Variants in NINL observed in about 807,000 individuals in gnomAD.
The protein encoded by NINL is ninein like.
NINL carries 153 observed loss-of-function variants against 160.3 expected under a neutral mutation model. The observed-to-expected ratio is 0.95, with a 90% CI of 0.84 to 1.09. The LOEUF (loss-of-function observed/expected upper bound fraction) is 1.09, where lower values mean the gene tolerates loss of function less well. Ranked by LOEUF, NINL falls within the 50% of genes least tolerant of loss-of-function variation. NINL has a pLI of 0.00. For synonymous variants in NINL, 800 were observed against 734.8 expected (o/e 1.09, Z -1.43); for missense variants, 1,829 against 1,764.0 (o/e 1.04, Z -0.66).
At chr20:25,501,468 C>T (rs745803315) in intron 7 of NINL, among the ~76,000 whole-genome samples, 2 of 152,298 alleles carry the variant, frequency 1.3e-5, no homozygotes, top group African/African-American at 4.8e-5. Flanking sequence ...GGCAGAAGTG[C>T]GCTGGCCCAG....
intron 1 of NINL, among the ~76,000 whole-genome samples, chr20:25,577,839 T>TC (rs1234084322): frequency 6.6e-6 from 1 of 151,234 alleles, no homozygotes; most frequent in Non-Finnish European, 1.5e-5. Context: ...TCTTTTCTTT[T>TC]TTTTTTTTTT....
chr20:25,476,061 TC>T lies in NINL; in HGVS notation c.3229del (p.Asp1077IlefsTer2). The T allele has an allele frequency of 6.2e-7, 1 of 1,613,256 alleles. No homozygotes were observed. Among genetic ancestry groups the T allele is most frequent in the Non-Finnish European group, 8.5e-7 (1 of 1,179,428 alleles). ...DVVRALEKHV[D>X]LRENDRLEFH... ...GGCAAACCTGTCGTTCTCTCTCAAA[TC>T]TACATGTTTCTCCAGAGCCCGGACG... On this transcript the variant is annotated frameshift_variant, in exon 17 of 24. Transcript: ENST00000278886. LOFTEE classifies it high-confidence loss of function.
chr20:25,548,681 C>T (rs1299065303), intron 1 of NINL, among the ~76,000 whole-genome samples: 1 of 150,516 alleles, frequency 6.6e-6, no homozygotes, highest in Non-Finnish European at 1.5e-5. Context: ...ACGACCACAC[C>T]TCCCACACCC....
At chr20:25,562,560 G>A (rs1308795039) in intron 1 of NINL, among the ~76,000 whole-genome samples, 7 of 124,746 alleles carry the variant, frequency 5.6e-5, no homozygotes, top group Admixed American at 5.2e-4. Flanking sequence ...TAAGGGCGGT[G>A]CTAGATGTGC....
At chr20:25,488,320 G>A (rs2063547121) in intron 13 of NINL, among the ~76,000 whole-genome samples, 1 of 152,174 alleles carries the variant, frequency 6.6e-6, no homozygotes, top group African/African-American at 2.4e-5. Context: ...CCGCCGCTTG[G>A]GTTCAAGTGA....
chr20:25,521,860 A>C (rs2064269322), intron 2 of NINL, among the ~76,000 whole-genome samples: 1 of 152,192 alleles, frequency 6.6e-6, no homozygotes, highest in Non-Finnish European at 1.5e-5. Context: ...TAAAATCACA[A>C]AATATTCTCA....
intron 1 of NINL, among the ~76,000 whole-genome samples, chr20:25,576,667 G>A (rs1466654033): frequency 6.6e-6 from 1 of 151,770 alleles, no homozygotes; most frequent in Non-Finnish European, 1.5e-5. Context: ...TCAGTACATT[G>A]CCCAGGTTGG....
At chr20:25,527,369 G>A (rs6115204) in intron 1 of NINL, among the ~76,000 whole-genome samples, 60,548 of 151,918 alleles carry the variant, frequency 0.4, 13,235 homozygotes, top group East Asian at 0.91. Flanking sequence ...GGACAGGCTG[G>A]TCTTGAACTC....
chr20:25,455,313 A>G (rs188909716), intron 23 of NINL, among the ~76,000 whole-genome samples: 2 of 152,276 alleles, frequency 1.3e-5, no homozygotes, highest in African/African-American at 2.4e-5. Context: ...TGTATGCTCT[A>G]TGGAAGCATC....
chr20:25,523,653 G>GT (rs1255909522), intron 2 of NINL, among the ~76,000 whole-genome samples: 2 of 151,744 alleles, frequency 1.3e-5, no homozygotes, highest in Non-Finnish European at 2.9e-5. Flanking sequence ...TTGTTTGCTT[G>GT]TTTTTTTGAG....
At chr20:25,491,933 G>C (rs763741695) in intron 10 of NINL, among the ~76,000 whole-genome samples, 2 of 152,210 alleles carry the variant, frequency 1.3e-5, no homozygotes, top group Non-Finnish European at 2.9e-5. Context: ...TGAAACCCAT[G>C]GACAGTGAAT....
intron 1 of NINL, among the ~76,000 whole-genome samples, chr20:25,556,393 G>A (rs1019098250): frequency 1.3e-5 from 2 of 152,200 alleles, no homozygotes; most frequent in Admixed American, 1.3e-4. Context: ...TGAAGTCAAA[G>A]TGGGAGGATC....
rs555448781 is a variant in NINL, at chr20:25,542,108, G to A, written c.-11-15510C>T. 3.3e-5 allele frequency among the ~76,000 whole-genome samples: 5 copies of A among 152,354 alleles called. No homozygotes were observed. The East Asian group carries it at 5.8e-4, about 18-fold the overall frequency. On this transcript the variant is annotated intron_variant, in intron 1 of 23. Coordinates refer to ENST00000278886, the MANE Select transcript of NINL (RefSeq NM_025176.6). ...GGGTGTCTGGCTGGTGCCAGAGTGG[G>A]CAGTGGGGACCCTGTCCTCCAAAGC...
intron 1 of NINL, among the ~76,000 whole-genome samples, chr20:25,531,335 T>C (rs1470308967): frequency 6.6e-6 from 1 of 152,034 alleles, no homozygotes; most frequent in Non-Finnish European, 1.5e-5. Flanking sequence ...CATCACAGGG[T>C]CCTGAGGCGA....
chr20:25,474,534 C>T (rs573437085), intron 17 of NINL, among the ~76,000 whole-genome samples: 1 of 151,784 alleles, frequency 6.6e-6, no homozygotes, highest in Admixed American at 6.5e-5. Context: ...TACTGTCTTA[C>T]AAAAATGAAG....
chr20:25,539,446 G>A lies in NINL; in HGVS notation c.-11-12848C>T, dbSNP rs181136499. ...CAGCTCCTGCCACTTGTGGCCTCGC[G>A]GTCTATAGGGTGAACTAAACACCTG... On this transcript the variant is annotated intron_variant, in intron 1 of 23. Transcript: ENST00000278886. Among the ~76,000 whole-genome samples the A allele has an allele frequency of 3.7e-3, 565 of 152,298 alleles. 4 individuals are homozygous for A. Among genetic ancestry groups the A allele is most frequent in the African/African-American group, 0.013 (528 of 41,568 alleles).
At chr20:25,530,688 C>A (rs937674573) in intron 1 of NINL, among the ~76,000 whole-genome samples, 3 of 151,858 alleles carry the variant, frequency 2.0e-5, no homozygotes, top group African/African-American at 7.3e-5. Context: ...TCCGTGATGC[C>A]CCCCAAGCTG....
intron 3 of NINL, among the ~76,000 whole-genome samples, chr20:25,517,205 T>G (rs940139838): frequency 6.6e-6 from 1 of 152,032 alleles, no homozygotes; most frequent in Admixed American, 6.5e-5. Flanking sequence ...ACGAGGGAAG[T>G]GCTCCCTATG....
In NINL at chr20:25,458,757, C is replaced by T. The variant is rs181647482; in HGVS notation, c.3697-228G>A. On this transcript the variant is annotated intron_variant, in intron 21 of 23. Coordinates refer to ENST00000278886, the MANE Select transcript of NINL (RefSeq NM_025176.6). ...AGTGCTAGAGTGCAGAAAACATGTC[C>T]ATCACCCTCAAAATGGTGACGCTGA... 638 of 512,498 alleles carry T rather than the reference C, an allele frequency of 1.2e-3. 2 individuals carry two copies. Among genetic ancestry groups the T allele is most frequent in the Admixed American group, 2.3e-3 (61 of 27,084 alleles). The allele number at this position is 512,498 out of a possible 1,614,324, so 31.7% of individuals were successfully genotyped here. A position where few individuals can be genotyped will look rare whatever the true frequency, so the allele number is the denominator to read the frequency against.
Sources: allele counts gnomAD v4.1 joint callset (sites outside exome capture counted in the v4.1 genomes callset), GRCh38; gene constraint gnomAD v4.1.1; transcripts MANE v1.5; gene names NCBI Gene and HGNC (gene_info 2026-07-23, HGNC 2026-07-21).